The following DOCK3 variants were observed in gnomAD, a reference collection of about 807,000 sequenced individuals.
DOCK3 encodes dedicator of cytokinesis protein 3.
DOCK3 carries 60 observed loss-of-function variants against 265.6 expected under a neutral mutation model. The ratio of observed to expected loss-of-function variants is 0.23; its 90% CI spans 0.18 to 0.28. The LOEUF (loss-of-function observed/expected upper bound fraction) is 0.28, where lower values mean the gene tolerates loss of function less well. Among genes scored for constraint, DOCK3 ranks in the 10% least tolerant of loss-of-function variants. The pLI, the probability that DOCK3 is intolerant of heterozygous loss-of-function variation, is 1.00. For synonymous variants in DOCK3, 881 were observed against 938.0 expected (o/e 0.94, Z 1.11); for missense variants, 1,981 against 2,594.3 (o/e 0.76, Z 5.14).
At chr3:51,017,912 A>G (rs2079419210) in intron 5 of DOCK3, among the ~76,000 whole-genome samples, 1 of 151,666 alleles carries the variant, frequency 6.6e-6, no homozygotes, top group African/African-American at 2.4e-5. Context: ...TTCTTTTTTT[A>G]GACAGAGTTT....
intron 22 of DOCK3, among the ~76,000 whole-genome samples, chr3:51,257,251 G>A (rs2079598690): frequency 6.6e-6 from 1 of 152,158 alleles, no homozygotes; most frequent in Admixed American, 6.5e-5. Context: ...TCCTTCACCA[G>A]ATTAGTAAGT....
At chr3:50,919,081 T>C (rs2050289654) in intron 4 of DOCK3, among the ~76,000 whole-genome samples, 1 of 152,136 alleles carries the variant, frequency 6.6e-6, no homozygotes. Context: ...AGATGTGTGG[T>C]ATTATTTCTG....
intron 6 of DOCK3, among the ~76,000 whole-genome samples, chr3:51,071,166 C>G (rs1474648779): frequency 6.6e-6 from 1 of 152,116 alleles, no homozygotes; most frequent in African/African-American, 2.4e-5. Flanking sequence ...AATAGAGATT[C>G]AGGGTCTCAG....
At chr3:50,979,811 A>G (rs1003089044) in intron 5 of DOCK3, among the ~76,000 whole-genome samples, 79 of 152,208 alleles carry the variant, frequency 5.2e-4, no homozygotes, top group African/African-American at 1.8e-3. Context: ...TTTGCATCCT[A>G]CAACTTGACT....
rs1220545320 is a variant in DOCK3, at chr3:51,010,686, C to T, written c.316-53762C>T. 4.6e-5 allele frequency among the ~76,000 whole-genome samples: 7 copies of T among 152,072 alleles called. No individual in the cohort carries two copies. In the South Asian group the frequency reaches 1.0e-3, roughly 22 times the overall value. On this transcript the variant is annotated intron_variant, in intron 5 of 52. Transcript: ENST00000266037. ...TATGATGTTAGCTGGTTATTTTGCT[C>T]GTTAGTTGATGCAGTTTCCTCCTAG...
At chr3:50,944,821 A>G (rs527423543) in intron 5 of DOCK3, among the ~76,000 whole-genome samples, 1 of 152,266 alleles carries the variant, frequency 6.6e-6, no homozygotes, top group East Asian at 1.9e-4. Context: ...TTAGCTGGGC[A>G]TGGTGGCAGG....
chr3:50,868,874 C>T (rs2047272896), intron 3 of DOCK3, among the ~76,000 whole-genome samples: 1 of 138,116 alleles, frequency 7.2e-6, no homozygotes, highest in Admixed American at 7.0e-5. Context: ...AATGTTTCAT[C>T]CCTGATTTTA....
At chr3:51,134,132 A>G (rs2084687364) in intron 9 of DOCK3, among the ~76,000 whole-genome samples, 2 of 152,152 alleles carry the variant, frequency 1.3e-5, no homozygotes, top group Admixed American at 6.5e-5. Flanking sequence ...ATGGCTGCAT[A>G]GTAGTCCATG....
intron 27 of DOCK3, among the ~76,000 whole-genome samples, chr3:51,300,850 G>T (rs992412717): frequency 6.6e-6 from 1 of 152,134 alleles, no homozygotes; most frequent in Non-Finnish European, 1.5e-5. Flanking sequence ...CAGGGATATT[G>T]GCCTGAAGTT....
chr3:50,684,440 T>G (rs2034638259), intron 1 of DOCK3, among the ~76,000 whole-genome samples: 1 of 152,246 alleles, frequency 6.6e-6, no homozygotes, highest in Admixed American at 6.5e-5. Flanking sequence ...AATATTTGAT[T>G]GTTAGAAATT....
At chr3:51,053,690 G>A (rs2081092572) in intron 5 of DOCK3, among the ~76,000 whole-genome samples, 1 of 151,958 alleles carries the variant, frequency 6.6e-6, no homozygotes, top group Non-Finnish European at 1.5e-5. Context: ...CAAAGTTCTG[G>A]GATTACAGGC....
intron 19 of DOCK3, among the ~76,000 whole-genome samples, chr3:51,232,608 G>A (rs982947622): frequency 9.3e-5 from 14 of 151,330 alleles, no homozygotes; most frequent in Non-Finnish European, 1.6e-4. Flanking sequence ...GTTTTAGTTT[G>A]TGTTTCCCTG....
intron 9 of DOCK3, among the ~76,000 whole-genome samples, chr3:51,117,055 A>G (rs907640089): frequency 6.6e-5 from 10 of 152,202 alleles, no homozygotes; most frequent in African/African-American, 2.4e-4. Context: ...TTCAAGGGGA[A>G]TGCGTCCAGC....
At chr3:50,729,275 T>C (rs1447700388) in intron 1 of DOCK3, among the ~76,000 whole-genome samples, 2 of 147,992 alleles carry the variant, frequency 1.4e-5, no homozygotes, top group African/African-American at 4.9e-5. Context: ...TGAGCTGTGA[T>C]TGCGGCGCTG....
intron 2 of DOCK3, among the ~76,000 whole-genome samples, chr3:50,791,675 A>T (rs561956454): frequency 1.3e-5 from 2 of 152,272 alleles, no homozygotes; most frequent in East Asian, 1.9e-4. Context: ...AGCACCATTT[A>T]TTGAATAGGG....
At chr3:50,691,334 G>A (rs2035230131) in intron 1 of DOCK3, among the ~76,000 whole-genome samples, 1 of 151,750 alleles carries the variant, frequency 6.6e-6, no homozygotes. Flanking sequence ...TTTGTGTCTG[G>A]CATATTTCAC....
intron 2 of DOCK3, among the ~76,000 whole-genome samples, chr3:50,825,672 T>C (rs905292147): frequency 3.3e-5 from 5 of 152,130 alleles, no homozygotes; most frequent in Non-Finnish European, 5.9e-5. Flanking sequence ...CATCCTGTAC[T>C]TGGCTCTCAA....
chr3:50,832,404 C>T (rs1410686081), intron 2 of DOCK3, among the ~76,000 whole-genome samples: 1 of 152,178 alleles, frequency 6.6e-6, no homozygotes, highest in Non-Finnish European at 1.5e-5. Flanking sequence ...GCAAAAGAAA[C>T]TATCATCAGA....
intron 5 of DOCK3, among the ~76,000 whole-genome samples, chr3:50,940,142 A>T (rs553128178): frequency 1.3e-5 from 2 of 152,000 alleles, no homozygotes; most frequent in Non-Finnish European, 2.9e-5. Flanking sequence ...TTTAGAACAC[A>T]GTACCATTTA....
Sources: gnomAD v4.1 joint callset for allele counts (sites outside exome capture counted in the v4.1 genomes callset) on GRCh38, gnomAD v4.1.1 for gene constraint, MANE v1.5 for transcripts, NCBI Gene and HGNC (gene_info 2026-07-23, HGNC 2026-07-21) for gene names.